Variants in KCNG4 observed in about 807,000 individuals in gnomAD.
KCNG4 encodes potassium voltage-gated channel modifier subfamily G member 4, also known as voltage-gated potassium channel regulatory subunit KCNG4.
KCNG4 carries 30 observed loss-of-function variants against 28.2 expected under a neutral mutation model. The ratio of observed to expected loss-of-function variants is 1.06; its 90% CI spans 0.80 to 1.44. The LOEUF is 1.44. Among genes scored for constraint, KCNG4 ranks in the 40% most tolerant of loss-of-function variants. KCNG4 has a pLI of 0.00. For missense variants in KCNG4, 879 were observed against 712.3 expected (o/e 1.23, Z -2.66); for synonymous variants, 375 against 315.5 (o/e 1.19, Z -2.00).
Position 84,222,069 on chromosome 16 carries a change from C to T in KCNG4, c.*148G>A. On this transcript the variant is annotated 3_prime_UTR_variant, in exon 3 of 3. Transcript: ENST00000308251. Reference sequence around the variant, plus strand: ...CCGAGGGACAAGGATCACAGACACACAGCCTCTGTGGCCTTATGCCCCTCC... The same window carrying T: ...CCGAGGGACAAGGATCACAGACACATAGCCTCTGTGGCCTTATGCCCCTCC... 2 of 871,426 alleles carry T rather than the reference C, an allele frequency of 2.3e-6. No homozygotes were observed. Among genetic ancestry groups the T allele is most frequent in the Admixed American group, 2.3e-5 (1 of 44,300 alleles). 54.0% of individuals were successfully genotyped at this position (871,426 alleles called of 1,614,324 possible). A position where few individuals can be genotyped will look rare whatever the true frequency, so the allele number is the denominator to read the frequency against.
intron 2 of KCNG4, among the ~76,000 whole-genome samples, chr16:84,230,654 C>T (rs1401551866): frequency 6.6e-6 from 1 of 152,208 alleles, no homozygotes; most frequent in Non-Finnish European, 1.5e-5. Flanking sequence ...TGTCTACAGT[C>T]CAGGATGAGA....
Position 84,222,444 on chromosome 16 carries a change from T to C in KCNG4, c.1333A>G (p.Ile445Val). The C allele has an allele frequency of 6.2e-7, 1 of 1,614,072 alleles. No individual in the cohort carries two copies. ...ATAGACGTGGCCGGGAAGGCCATGA[T>C]GAGGATCCCGCTCAGGATGCTGCTG... The part of the protein sequence containing the change: ...ALSSILSGIL[I>V]MAFPATSIFH... The change falls in exon 3 of 3, where the codon ATC becomes GTC. Residue 445 changes from isoleucine to valine, a missense_variant. Coordinates refer to ENST00000308251, the MANE Select transcript of KCNG4 (RefSeq NM_172347.3).
chr16:84,222,675 T>C lies in KCNG4; in HGVS notation c.1102A>G (p.Thr368Ala), dbSNP rs1408569190. The C allele has an allele frequency of 7.4e-6, 12 of 1,613,208 alleles. No homozygotes were observed. The highest frequency in any genetic ancestry group is 1.0e-5 in the Non-Finnish European group (12 of 1,179,858). The change falls in exon 3 of 3, where the codon ACA becomes GCA. Residue 368 changes from threonine to alanine, a missense_variant. Coordinates refer to ENST00000308251, the MANE Select transcript of KCNG4 (RefSeq NM_172347.3). ...AGAAGGAGCAGGCCGAACTCACGTG[T>C]GCAACGGCGCACGGTGAGCCCCAGC... ...QTLGLTVRRCTREFGLLLLFL... is the reference protein window; with the variant it reads ...QTLGLTVRRCAREFGLLLLFL...
chr16:84,234,430 C>G (rs574972261), intron 2 of KCNG4, among the ~76,000 whole-genome samples: 1 of 152,270 alleles, frequency 6.6e-6, no homozygotes, highest in East Asian at 1.9e-4. Flanking sequence ...CCACCCACCT[C>G]GGCTTCCCAG....
At position 84,220,520 on chromosome 16, in the gene KCNG4, G is replaced by C. The variant is rs986472197; in HGVS notation, c.*1697C>G. On this transcript the variant is annotated 3_prime_UTR_variant, in exon 3 of 3. Coordinates refer to ENST00000308251, the MANE Select transcript of KCNG4 (RefSeq NM_172347.3). The stretch of plus-strand genomic sequence containing the variant: ...CACAGCGGGAAATCGCAAAAAACTA[G>C]CAGAATGAATGAACAGCAAGGAACT... 1 of 152,272 alleles carries C rather than the reference G, an allele frequency of 6.6e-6. No individual in the cohort carries two copies. Among genetic ancestry groups the C allele is most frequent in the Non-Finnish European group, 1.5e-5 (1 of 68,070 alleles). 9.4% of individuals were successfully genotyped at this position (152,272 alleles called of 1,614,324 possible).
In KCNG4 at chr16:84,222,564, T is replaced by C; in HGVS notation, c.1213A>G (p.Ile405Val). Residue 405 changes from isoleucine to valine, a missense_variant, in exon 3 of 3, where the codon ATC becomes GTC. Ile to Val is a conservative substitution (Grantham distance 29). Coordinates refer to ENST00000308251, the MANE Select transcript of KCNG4 (RefSeq NM_172347.3). ...ESGRVLEFTSIPASYWWAIIS... is the reference protein window; with the variant it reads ...ESGRVLEFTSVPASYWWAIIS... ...ATGGCCCACCAATAGGAGGCGGGGATGCTGGTGAACTCCAGCACCCGCCCG... is the reference window on the plus strand; with the variant it reads ...ATGGCCCACCAATAGGAGGCGGGGACGCTGGTGAACTCCAGCACCCGCCCG... 1 of 1,613,420 alleles carries C rather than the reference T, an allele frequency of 6.2e-7. No individual in the cohort carries two copies. The highest frequency in any genetic ancestry group is 8.5e-7 in the Non-Finnish European group (1 of 1,179,996).
In KCNG4 at chr16:84,238,793, G is replaced by A. The variant is rs144689200; in HGVS notation, c.-41+877C>T. On this transcript the variant is annotated intron_variant, in intron 1 of 2. Transcript: ENST00000308251. ...TGAGGCAGGAGAATCGCTTGAACCC[G>A]GGAGGCGGAGGCTGCAGTAAGCCGA... Among the ~76,000 whole-genome samples the A allele has an allele frequency of 2.7e-3, 411 of 152,182 alleles. 2 individuals carry two copies. The highest frequency in any genetic ancestry group is 9.6e-3 in the African/African-American group (398 of 41,512).
rs368982057 is a variant in KCNG4 at position 84,222,298 on chromosome 16, A to G, written c.1479T>C (p.His493=). 1 of 1,614,184 alleles carries G rather than the reference A, an allele frequency of 6.2e-7. No individual in the cohort carries two copies. The highest frequency in any genetic ancestry group is 1.3e-5 in the African/African-American group (1 of 75,052). The change falls in exon 3 of 3, where the codon CAT becomes CAC. Residue 493 remains histidine (H), a synonymous_variant. Transcript: ENST00000308251. ...PASECELLDP[H]VASEHELMND... ...TCATGAGCTCATGTTCACTGGCCAC[A>G]TGGGGGTCCAGGAGTTCACATTCAC...
intron 2 of KCNG4, among the ~76,000 whole-genome samples, chr16:84,232,445 T>G (rs1904848759): frequency 6.6e-6 from 1 of 152,222 alleles, no homozygotes; most frequent in African/African-American, 2.4e-5. Context: ...GAGGAGAGAC[T>G]GCCTAGTTGG....
chr16:84,218,997 G>A lies in KCNG4; in HGVS notation c.*3220C>T, dbSNP rs780736298. ...TCTTCGATGAGAAGGCAGGGCAGAT[G>A]TGGGGGCTGATGTGGGTCCCAGACC... On this transcript the variant is annotated 3_prime_UTR_variant, in exon 3 of 3. Coordinates refer to ENST00000308251, the MANE Select transcript of KCNG4 (RefSeq NM_172347.3). 4 of 152,298 alleles carry A rather than the reference G, an allele frequency of 2.6e-5. No homozygotes were observed. The highest frequency in any genetic ancestry group is 4.4e-5 in the Non-Finnish European group (3 of 68,098). The allele number at this position is 152,298 out of a possible 1,614,324, so 9.4% of individuals were successfully genotyped here. A position where few individuals can be genotyped will look rare whatever the true frequency, so the allele number is the denominator to read the frequency against.
rs867208771 is a variant in KCNG4, at chr16:84,222,610, G to T, written c.1167C>A (p.Val389=). The change falls in exon 3 of 3, where the codon GTC becomes GTA. Residue 389 remains valine (V), a synonymous_variant. Transcript: ENST00000308251. ...GCCCGGACTCCTTCTCGGCCACGTA[G>T]ACCAAAGGGGAGAAGAGGGTGATGG... is the stretch of plus-strand genomic sequence containing the variant. ...AVAITLFSPL[V]YVAEKESGRV... The T allele has an allele frequency of 6.2e-7, 1 of 1,613,364 alleles. No homozygotes were observed.
chr16:84,237,561 G>A, intron 1 of KCNG4, 36 bp from the exon 2 acceptor site: 3 of 1,388,304 alleles, frequency 2.2e-6, no homozygotes, highest in Non-Finnish European at 2.8e-6. Flanking sequence ...GCAAAAGGAA[G>A]GGAAATCAGT....
At chr16:84,229,507 C>T (rs1004934992) in intron 2 of KCNG4, among the ~76,000 whole-genome samples, 7 of 152,238 alleles carry the variant, frequency 4.6e-5, no homozygotes, top group Admixed American at 2.0e-4. Context: ...AATCTCACAG[C>T]GGTTCTCCCC....
At chr16:84,224,363 C>T (rs945673748) in intron 2 of KCNG4, among the ~76,000 whole-genome samples, 2 of 151,332 alleles carry the variant, frequency 1.3e-5, no homozygotes, top group East Asian at 3.9e-4. Flanking sequence ...ATGGATAATT[C>T]AAATGTGGAG....
intron 2 of KCNG4, among the ~76,000 whole-genome samples, chr16:84,228,343 G>C (rs542910891): frequency 2.6e-5 from 4 of 152,184 alleles, no homozygotes; most frequent in Non-Finnish European, 5.9e-5. Context: ...CCATTCTGCA[G>C]CTCGGCATCC....
rs1042252737 is a variant in KCNG4 at position 84,221,424 on chromosome 16, C to T, written c.*793G>A. ...AGGACTGGATAACTGGAGAACACCA[C>T]ACCAAGAGTCCAGGCGGCCAGGGAG... On this transcript the variant is annotated 3_prime_UTR_variant, in exon 3 of 3. Coordinates refer to ENST00000308251, the MANE Select transcript of KCNG4 (RefSeq NM_172347.3). The T allele has an allele frequency of 5.9e-5, 9 of 152,382 alleles. No homozygotes were observed. Among genetic ancestry groups the T allele is most frequent in the African/African-American group, 2.2e-4 (9 of 41,590 alleles). 9.4% of individuals were successfully genotyped at this position (152,382 alleles called of 1,614,324 possible). A position where few individuals can be genotyped will look rare whatever the true frequency, so the allele number is the denominator to read the frequency against.
Position 84,222,450 on chromosome 16 carries a change from T to G in KCNG4, c.1327A>C (p.Ile443Leu), listed in dbSNP as rs147385364. Residue 443 changes from isoleucine to leucine, a missense_variant, in exon 3 of 3, where the codon ATC (isoleucine) becomes CTC (leucine). Coordinates refer to ENST00000308251, the MANE Select transcript of KCNG4 (RefSeq NM_172347.3). ...MVALSSILSG[I>L]LIMAFPATSI... ...GTGGCCGGGAAGGCCATGATGAGGA[T>G]CCCGCTCAGGATGCTGCTGAGGGCC... 1 of 1,613,816 alleles carries G rather than the reference T, an allele frequency of 6.2e-7. No homozygotes were observed. The highest frequency in any genetic ancestry group is 1.3e-5 in the African/African-American group (1 of 74,848).
chr16:84,231,801 C>G lies in KCNG4; in HGVS notation c.756+4929G>C, dbSNP rs138569491. Among the ~76,000 whole-genome samples the G allele has an allele frequency of 1.6e-4, 24 of 152,022 alleles. No homozygotes were observed. In the East Asian group the frequency reaches 4.4e-3, roughly 28 times the overall value. On this transcript the variant is annotated intron_variant, in intron 2 of 2. Transcript: ENST00000308251. ...GGCGGATCACCTGAGGTCAGGAGTTCGAGACCAGACTGGGCAAAATGGTGA... is the reference window on the plus strand; with the variant it reads ...GGCGGATCACCTGAGGTCAGGAGTTGGAGACCAGACTGGGCAAAATGGTGA...
Position 84,218,670 on chromosome 16 carries a change from C to T in KCNG4, c.*3547G>A, listed in dbSNP as rs1048844503. 2.6e-5 allele frequency: 4 copies of T among 152,144 alleles called. No homozygotes were observed. The highest frequency in any genetic ancestry group is 6.5e-5 in the Admixed American group (1 of 15,270). 9.4% of individuals were successfully genotyped at this position (152,144 alleles called of 1,614,324 possible). A position where few individuals can be genotyped will look rare whatever the true frequency, so the allele number is the denominator to read the frequency against. On this transcript the variant is annotated 3_prime_UTR_variant, in exon 3 of 3. Coordinates refer to ENST00000308251, the MANE Select transcript of KCNG4 (RefSeq NM_172347.3). ...TTTAGACCCGTCTCCTGGGACATTA[C>T]CAGGGAGAAAAAATAGAGCGTTTAA...
Sources: gnomAD v4.1 joint callset for allele counts (sites outside exome capture counted in the v4.1 genomes callset) on GRCh38, gnomAD v4.1.1 for gene constraint, MANE v1.5 for transcripts, NCBI Gene and HGNC (gene_info 2026-07-23, HGNC 2026-07-21) for gene names.